Variants in MAST4 observed in about 807,000 individuals in gnomAD.
MAST4 encodes the protein microtubule-associated serine/threonine-protein kinase 4.
A neutral mutation model predicts 162.7 loss-of-function variants in MAST4; 89 were observed. The observed-to-expected ratio is 0.55, with a 90% CI of 0.46 to 0.65. The LOEUF is 0.65. Ranked by LOEUF, MAST4 falls within the 30% of genes least tolerant of loss-of-function variation. MAST4 has a pLI of 0.00. For missense variants in MAST4, 3,153 were observed against 3,374.0 expected (o/e 0.93, Z 1.62); for synonymous variants, 1,479 against 1,361.1 (o/e 1.09, Z -1.91).
At chr5:67,041,296 T>C (rs1259562365) in intron 4 of MAST4, among the ~76,000 whole-genome samples, 3 of 152,184 alleles carry the variant, frequency 2.0e-5, no homozygotes, top group Admixed American at 2.0e-4. Flanking sequence ...AACTTGTGGT[T>C]CTGAAGCTTT....
intron 4 of MAST4, among the ~76,000 whole-genome samples, chr5:67,043,679 T>A (rs1050463228): frequency 6.6e-6 from 1 of 152,198 alleles, no homozygotes; most frequent in Admixed American, 6.5e-5. Context: ...AAATTGTGAA[T>A]TTAATATACT....
intron 4 of MAST4, among the ~76,000 whole-genome samples, chr5:66,975,156 T>C (rs1318941121): frequency 1.3e-5 from 2 of 152,122 alleles, no homozygotes; most frequent in Non-Finnish European, 2.9e-5. Flanking sequence ...AAGGAGCAGA[T>C]TCTCCCTGAG....
intron 4 of MAST4, among the ~76,000 whole-genome samples, chr5:67,049,009 A>G (rs1757727405): frequency 8.0e-6 from 1 of 125,430 alleles, no homozygotes; most frequent in Admixed American, 8.3e-5. Context: ...ATACACACAC[A>G]TATATATATA....
chr5:66,735,140 A>G (rs1752083419), intron 1 of MAST4, among the ~76,000 whole-genome samples: 1 of 152,260 alleles, frequency 6.6e-6, no homozygotes, highest in South Asian at 2.1e-4. Context: ...AGGGAAACAT[A>G]CAGGTGAATC....
At chr5:66,943,392 G>A (rs1343157173) in intron 4 of MAST4, among the ~76,000 whole-genome samples, 2 of 152,032 alleles carry the variant, frequency 1.3e-5, no homozygotes, top group African/African-American at 4.8e-5. Context: ...ATTAAACAAG[G>A]CCCTGAGATA....
chr5:67,075,607 T>G (rs913792412), intron 5 of MAST4, among the ~76,000 whole-genome samples: 5 of 152,112 alleles, frequency 3.3e-5, no homozygotes, highest in Non-Finnish European at 7.4e-5. Flanking sequence ...AAAAAAAAAG[T>G]AAATTAAAAA....
At chr5:66,696,871 A>G (rs1483638784) in intron 1 of MAST4, among the ~76,000 whole-genome samples, 1 of 152,226 alleles carries the variant, frequency 6.6e-6, no homozygotes, top group Non-Finnish European at 1.5e-5. Flanking sequence ...ACTCACTTGC[A>G]GTAAATAATG....
At chr5:66,895,521 C>T (rs1047897289) in intron 3 of MAST4, among the ~76,000 whole-genome samples, 1 of 152,136 alleles carries the variant, frequency 6.6e-6, no homozygotes, top group Non-Finnish European at 1.5e-5. Context: ...AAAAGCTGAA[C>T]TGTTTTTCCA....
At position 66,885,786 on chromosome 5, in the gene MAST4, G is replaced by A. The variant is rs6870012; in HGVS notation, c.643-14165G>A. Among the ~76,000 whole-genome samples, 1,265 of 152,186 alleles carry A rather than the reference G, an allele frequency of 8.3e-3. 21 individuals carry two copies. The highest frequency in any genetic ancestry group is 0.029 in the African/African-American group (1,196 of 41,486). ...CTAGTTTTCATCTGTCCTTTGGTGC[G>A]CTGAAGATACATCAGCATAACTACC... On this transcript the variant is annotated intron_variant, in intron 3 of 28. Coordinates refer to ENST00000403625, the MANE Select transcript of MAST4 (RefSeq NM_001164664.2).
intron 3 of MAST4, among the ~76,000 whole-genome samples, chr5:66,816,056 T>C (rs531533900): frequency 3.8e-4 from 58 of 152,324 alleles, no homozygotes; most frequent in Admixed American, 3.6e-3. Context: ...TAGAGGAAGA[T>C]TGAGGAAAAG....
At chr5:67,000,757 G>GGGC (rs1554079057) in intron 4 of MAST4, among the ~76,000 whole-genome samples, 1 of 76,276 alleles carries the variant, frequency 1.3e-5, no homozygotes, top group Non-Finnish European at 3.1e-5. Context: ...TAAAAAAAAA[G>GGGC]GGGGGGGGTG....
At chr5:67,086,319 C>T (rs1763225978) in intron 5 of MAST4, among the ~76,000 whole-genome samples, 1 of 152,198 alleles carries the variant, frequency 6.6e-6, no homozygotes, top group Admixed American at 6.5e-5. Flanking sequence ...AGATTTGCAG[C>T]TTGCTTCTAT....
intron 5 of MAST4, among the ~76,000 whole-genome samples, chr5:67,080,372 T>A (rs1325445538): frequency 2.6e-5 from 4 of 152,338 alleles, no homozygotes; most frequent in African/African-American, 9.6e-5. Context: ...CCATCTCAGT[T>A]CGTCCCAGAA....
intron 3 of MAST4, among the ~76,000 whole-genome samples, chr5:66,796,289 G>T (rs1443391151): frequency 6.6e-6 from 1 of 152,156 alleles, no homozygotes; most frequent in Non-Finnish European, 1.5e-5. Flanking sequence ...ATTGCGATTC[G>T]GTCTAAGAAC....
chr5:66,815,265 C>T (rs1756662336), intron 3 of MAST4, among the ~76,000 whole-genome samples: 1 of 152,174 alleles, frequency 6.6e-6, no homozygotes, highest in African/African-American at 2.4e-5. Flanking sequence ...ATCCAAGTAT[C>T]CCTTCTGAAA....
intron 3 of MAST4, among the ~76,000 whole-genome samples, chr5:66,820,898 A>G (rs1303580172): frequency 6.6e-6 from 1 of 152,224 alleles, no homozygotes; most frequent in East Asian, 1.9e-4. Context: ...AAAAAAAAAG[A>G]TGATGCAAAC....
At chr5:66,833,735 G>C (rs1197423001) in intron 3 of MAST4, among the ~76,000 whole-genome samples, 6 of 152,076 alleles carry the variant, frequency 3.9e-5, no homozygotes, top group African/African-American at 1.4e-4. Context: ...TTCTGAACTT[G>C]CTAATAGTCA....
chr5:66,856,299 A>T (rs1759681503), intron 3 of MAST4, among the ~76,000 whole-genome samples: 1 of 152,020 alleles, frequency 6.6e-6, no homozygotes, highest in Admixed American at 6.6e-5. Flanking sequence ...GGCCTCCCTG[A>T]CTCCCGATTG....
intron 19 of MAST4, among the ~76,000 whole-genome samples, chr5:67,140,824 G>T (rs1770293914): frequency 6.6e-6 from 1 of 152,322 alleles, no homozygotes; most frequent in South Asian, 2.1e-4. Flanking sequence ...CTTACAGTCA[G>T]ACTTCAGTAT....
Sources: allele counts gnomAD v4.1 joint callset (sites outside exome capture counted in the v4.1 genomes callset), GRCh38; gene constraint gnomAD v4.1.1; transcripts MANE v1.5; gene names NCBI Gene and HGNC (gene_info 2026-07-23, HGNC 2026-07-21).